ATAD3C: variants seen among roughly 807,000 people sequenced by gnomAD.
ATAD3C encodes the protein ATPase family AAA domain containing 3C, also known as ATPase family AAA domain-containing protein 3C.
ATAD3C carries 38 observed loss-of-function variants against 46.3 expected under a neutral mutation model. The ratio of observed to expected loss-of-function variants is 0.82; its 90% CI spans 0.63 to 1.08. The LOEUF (loss-of-function observed/expected upper bound fraction) is 1.08. Among genes scored for constraint, ATAD3C ranks in the 50% least tolerant of loss-of-function variants. ATAD3C has a pLI of 0.00. For synonymous variants in ATAD3C, 220 were observed against 236.4 expected (o/e 0.93, Z 0.63); for missense variants, 563 against 572.7 (o/e 0.98, Z 0.17).
Position 1,459,198 on chromosome 1 carries a change from C to T in ATAD3C, c.779C>T (p.Ala260Val), listed in dbSNP as rs1639016746. 1.2e-6 allele frequency: 2 copies of T among 1,612,728 alleles called. No homozygotes were observed. The highest frequency in any genetic ancestry group is 4.5e-5 in the East Asian group (2 of 44,866). The change falls in exon 9 of 12, where the codon GCC becomes GTC. Residue 260 changes from alanine to valine, a missense_variant. Physicochemically the swap from Ala to Val is moderately conservative, Grantham distance 64 (BLOSUM62 0). Coordinates refer to ENST00000378785, the MANE Select transcript of ATAD3C (RefSeq NM_001039211.3). This position sits in a 1 kb window ranked among gnomAD's most constrained non-coding sequence, Gnocchi z 4.9. ...ISEDLRATLN[A>V]FLYRTGQHSN... ...GAGGACCTCAGGGCCACACTGAACG[C>T]CTTCCTGTACCGCACGGGCCAGCAC...
Position 1,455,812 on chromosome 1 carries a change from C to A in ATAD3C, c.460C>A (p.Arg154Ser). Residue 154 changes from arginine to serine, a missense_variant, in exon 6 of 12, where the codon CGC (arginine) becomes AGC (serine). Coordinates refer to ENST00000378785, the MANE Select transcript of ATAD3C (RefSeq NM_001039211.3). The part of the protein sequence containing the change: ...VLSPSLEARV[R>S]DIAIMTRNIK... ...GCAGCCCAGCCTGGAAGCACGGGTG[C>A]GCGACATCGCCATAATGACAAGGAA... 3 of 1,613,372 alleles carry A rather than the reference C, an allele frequency of 1.9e-6. No homozygotes were observed.
chr1:1,449,840 G>A lies in ATAD3C; in HGVS notation c.-844G>A, dbSNP rs1197284569. The A allele has an allele frequency of 3.9e-5, 6 of 152,006 alleles. No individual in the cohort carries two copies. The highest frequency in any genetic ancestry group is 1.4e-4 in the African/African-American group (6 of 41,420). 9.4% of individuals were successfully genotyped at this position (152,006 alleles called of 1,614,324 possible). A position where few individuals can be genotyped will look rare whatever the true frequency, so the allele number is the denominator to read the frequency against. On this transcript the variant is annotated 5_prime_UTR_variant, in exon 1 of 12. Coordinates refer to ENST00000378785, the MANE Select transcript of ATAD3C (RefSeq NM_001039211.3). ...GAGTCCTCAGCAGCTCAGAGAATAC[G>A]TACTTCTGTCCCAGGTCACCCAAAC...
intron 8 of ATAD3C, 94 bp downstream of exon 8, chr1:1,457,274 C>A: frequency 6.3e-7 from 1 of 1,581,446 alleles, no homozygotes; most frequent in Non-Finnish European, 8.7e-7. Context: ...TGCTCAATTT[C>A]TTTTTCTCTA....
chr1:1,462,773 G>A lies in ATAD3C; in HGVS notation c.1089+65G>A, dbSNP rs922930580. ...AGCTGCTGTGCAGATGCTTGGTTGCGCCAGGCCTGTCCCAGCACCGGTGTC... is the reference window on the plus strand; with the variant it reads ...AGCTGCTGTGCAGATGCTTGGTTGCACCAGGCCTGTCCCAGCACCGGTGTC... On this transcript the variant is annotated intron_variant, in intron 11 of 11. Transcript: ENST00000378785. The surrounding 1 kb of genome is among the most constrained non-coding windows in gnomAD (Gnocchi z 4.5). 4.9e-5 allele frequency: 74 copies of A among 1,500,236 alleles called. No homozygotes were observed. The African/African-American group carries it at 8.3e-4, about 17-fold the overall frequency. The allele number at this position is 1,500,236 out of a possible 1,614,324, so 92.9% of individuals were successfully genotyped here. A position where few individuals can be genotyped will look rare whatever the true frequency, so the allele number is the denominator to read the frequency against.
Position 1,468,640 on chromosome 1 carries a change from G to A in ATAD3C, c.*110G>A. ...CTCCCCGTAATAAAGTCCCACGGGG[G>A]CCGCACCGCTGTGTCTATTGGCTGA... is the stretch of plus-strand genomic sequence containing the variant. On this transcript the variant is annotated 3_prime_UTR_variant, in exon 12 of 12. Coordinates refer to ENST00000378785, the MANE Select transcript of ATAD3C (RefSeq NM_001039211.3). The A allele has an allele frequency of 6.4e-7, 1 of 1,571,548 alleles. No individual in the cohort carries two copies. Among genetic ancestry groups the A allele is most frequent in the Non-Finnish European group, 8.7e-7 (1 of 1,152,596 alleles).
At chr1:1,455,695 A>T in intron 5 of ATAD3C, 96 bp from the exon 6 acceptor site, 1 of 1,573,102 alleles carries the variant, frequency 6.4e-7, no homozygotes, top group Non-Finnish European at 8.6e-7. Flanking sequence ...GGCTCCCCGG[A>T]GAGCGGAGTC....
intron 9 of ATAD3C, 144 bp from the exon 10 acceptor site, chr1:1,460,606 G>C: frequency 7.3e-7 from 1 of 1,378,248 alleles, no homozygotes; most frequent in Non-Finnish European, 9.4e-7. Context: ...CTGTGGCTGC[G>C]TTCTCCCCAT....
chr1:1,455,364 A>G, intron 4 of ATAD3C, 96 bp from the exon 5 acceptor site: 1 of 1,514,856 alleles, frequency 6.6e-7, no homozygotes, highest in African/African-American at 1.4e-5. Context: ...GATTCGGGGC[A>G]GCTCCGTTTC....
chr1:1,468,273 A>C, intron 11 of ATAD3C, 111 bp from the exon 12 acceptor site: 3 of 1,453,178 alleles, frequency 2.1e-6, no homozygotes, highest in Non-Finnish European at 2.7e-6. Context: ...TTTCACGCTC[A>C]GGCCATCCTG....
At chr1:1,452,515 C>G in intron 3 of ATAD3C, 81 bp downstream of exon 3, 1 of 1,602,758 alleles carries the variant, frequency 6.2e-7, no homozygotes. Flanking sequence ...GGTCCTATCC[C>G]TGCTGGCTCT....
Position 1,468,009 on chromosome 1 carries a change from G to A in ATAD3C, c.1090-375G>A, listed in dbSNP as rs569695909. On this transcript the variant is annotated intron_variant, in intron 11 of 11. Transcript: ENST00000378785. ...TGGAGGCCTGTGAGGGTCAGGGTCTGAGGGTCTGAGGTGCACTATGACCCG... is the reference window on the plus strand; with the variant it reads ...TGGAGGCCTGTGAGGGTCAGGGTCTAAGGGTCTGAGGTGCACTATGACCCG... 9.2e-4 allele frequency among the ~76,000 whole-genome samples: 140 copies of A among 151,936 alleles called. 2 individuals are homozygous for A. The highest frequency in any genetic ancestry group is 3.2e-3 in the African/African-American group (134 of 41,456).
chr1:1,451,503 T>C (rs566075321), intron 1 of ATAD3C, among the ~76,000 whole-genome samples: 2 of 151,894 alleles, frequency 1.3e-5, no homozygotes, highest in South Asian at 4.2e-4. Flanking sequence ...CCCACCACCA[T>C]ACTCGGCTAA....
intron 1 of ATAD3C, among the ~76,000 whole-genome samples, chr1:1,451,551 T>G (rs956186751): frequency 2.0e-5 from 3 of 151,828 alleles, no homozygotes; most frequent in Admixed American, 1.3e-4. Context: ...TTCACCATGC[T>G]GGCCAGGCTA....
rs1320409555 is a variant in ATAD3C, at chr1:1,462,726, G to A, written c.1089+18G>A. On this transcript the variant is annotated intron_variant, in intron 11 of 11. Transcript: ENST00000378785. This position sits in a 1 kb window ranked among gnomAD's most constrained non-coding sequence, Gnocchi z 4.5. ...CCTGGCAGGTGAGTCAGGCTCGGGT[G>A]CACCCACCCAGATGGAAGCCCAGCT... 3.8e-6 allele frequency: 6 copies of A among 1,588,446 alleles called. No homozygotes were observed. In the Admixed American group the frequency reaches 1.1e-4, roughly 28 times the overall value.
At chr1:1,457,595 C>CAAAAAAAAA (rs777757826) in intron 8 of ATAD3C, among the ~76,000 whole-genome samples, 28 of 36,284 alleles carry the variant, frequency 7.7e-4, no homozygotes, top group African/African-American at 3.4e-3. Context: ...GACTTCATCT[C>CAAAAAAAAA]AAAAAAAAAA....
chr1:1,452,342 T>C, intron 2 of ATAD3C, 23 bp from the exon 3 acceptor site: 1 of 1,613,702 alleles, frequency 6.2e-7, no homozygotes, highest in Non-Finnish European at 8.5e-7. Flanking sequence ...TCCCTCCTGG[T>C]CACACCACTG....
chr1:1,458,656 A>G (rs1239760227), intron 8 of ATAD3C, among the ~76,000 whole-genome samples: 1 of 151,372 alleles, frequency 6.6e-6, no homozygotes, highest in Non-Finnish European at 1.5e-5. Context: ...CTTCTGAGCT[A>G]AAGAGATGCT....
At chr1:1,456,198 C>G (rs1440868600) in intron 6 of ATAD3C, 27 bp from the exon 7 acceptor site, 1 of 1,521,724 alleles carries the variant, frequency 6.6e-7, no homozygotes, top group Non-Finnish European at 8.7e-7. Context: ...AACATCTGTT[C>G]TGTCTCCCCT....
intron 8 of ATAD3C, among the ~76,000 whole-genome samples, chr1:1,457,714 T>C (rs1638990236): frequency 6.6e-6 from 1 of 151,792 alleles, no homozygotes; most frequent in South Asian, 2.1e-4. Flanking sequence ...GTGTCTTGCT[T>C]TGTTGCCAGA....
Sources: allele counts gnomAD v4.1 joint callset (sites outside exome capture counted in the v4.1 genomes callset), GRCh38; gene constraint gnomAD v4.1.1; non-coding constraint Gnocchi (gnomAD v3.1); transcripts MANE v1.5; gene names NCBI Gene and HGNC (gene_info 2026-07-23, HGNC 2026-07-21).